Variants in NALF1 observed in about 807,000 individuals in gnomAD.
The protein encoded by NALF1 is family with sequence similarity 155 member A.
NALF1 carries 3 observed loss-of-function variants against 48.4 expected under a neutral mutation model. The ratio of observed to expected loss-of-function variants is 0.06; its 90% CI spans 0.03 to 0.16. The LOEUF (loss-of-function observed/expected upper bound fraction) is 0.16. Among genes scored for constraint, NALF1 ranks in the 10% least tolerant of loss-of-function variants. NALF1 has a pLI of 1.00. For synonymous variants in NALF1, 262 were observed against 245.7 expected (o/e 1.07, Z -0.62); for missense variants, 526 against 571.5 (o/e 0.92, Z 0.81).
chr13:107,697,386 G>C (rs189056207), intron 1 of NALF1, among the ~76,000 whole-genome samples: 9 of 152,146 alleles, frequency 5.9e-5, no homozygotes, highest in Admixed American at 2.0e-4. Context: ...TCAATTCCAA[G>C]GGTTAGAATT....
At chr13:107,303,838 A>G (rs1432336711) in intron 1 of NALF1, among the ~76,000 whole-genome samples, 2 of 152,200 alleles carry the variant, frequency 1.3e-5, no homozygotes, top group African/African-American at 4.8e-5. Context: ...TCTAGGAGAT[A>G]TTCAACTAGT....
At chr13:107,530,926 A>T (rs1055265792) in intron 1 of NALF1, among the ~76,000 whole-genome samples, 1 of 151,968 alleles carries the variant, frequency 6.6e-6, no homozygotes, top group African/African-American at 2.4e-5. Flanking sequence ...TTTTATTGTG[A>T]TTTTTAGTGG....
chr13:107,424,372 A>C (rs1382635062), intron 1 of NALF1, among the ~76,000 whole-genome samples: 1 of 152,072 alleles, frequency 6.6e-6, no homozygotes, highest in East Asian at 1.9e-4. Context: ...TCCTGAGAAC[A>C]AGCAATCCGC....
chr13:107,865,906 G>C lies in NALF1; in HGVS notation c.691C>G (p.Leu231Val). Residue 231 changes from leucine to valine, a missense_variant, in exon 1 of 3, where the codon CTT becomes GTT. Leu to Val is a conservative substitution (Grantham distance 32, BLOSUM62 1). Around this residue, in one of 2 missense-constraint regions of NALF1, gnomAD observed 373 missense variants for 355.5 expected, o/e 1.05. Transcript: ENST00000375915. The stretch of plus-strand genomic sequence containing the variant: ...GACAACCCCGAGAACAACTCCCAAA[G>C]TGTGTAGGAATTACAAAACGAAAGG... ...FYLSFCNSYT[L>V]WELFSGLSSP... 6.2e-7 allele frequency: 1 copy of C among 1,614,082 alleles called. No homozygotes were observed. Among genetic ancestry groups the C allele is most frequent in the Non-Finnish European group, 8.5e-7 (1 of 1,180,018 alleles).
intron 1 of NALF1, among the ~76,000 whole-genome samples, chr13:107,828,528 G>C (rs1186979539): frequency 1.5e-4 from 21 of 142,056 alleles, no homozygotes; most frequent in Admixed American, 8.0e-4. Context: ...GAAGAACACT[G>C]TGAGGAAATT....
At chr13:107,235,531 C>A (rs147933427) in intron 1 of NALF1, among the ~76,000 whole-genome samples, 1 of 152,164 alleles carries the variant, frequency 6.6e-6, no homozygotes, top group African/African-American at 2.4e-5. Flanking sequence ...TACTTTAAAT[C>A]ACCTCTGAAT....
intron 1 of NALF1, among the ~76,000 whole-genome samples, chr13:107,448,814 A>G (rs1245786638): frequency 6.6e-6 from 1 of 152,200 alleles, no homozygotes; most frequent in African/African-American, 2.4e-5. Context: ...GAATATTATC[A>G]TATCCTTCCC....
chr13:107,866,649 G>T lies in NALF1; in HGVS notation c.-53C>A. 2 of 1,473,538 alleles carry T rather than the reference G, an allele frequency of 1.4e-6. No individual in the cohort carries two copies. The highest frequency in any genetic ancestry group is 2.5e-5 in the South Asian group (2 of 81,354). The allele number at this position is 1,473,538 out of a possible 1,614,324, so 91.3% of individuals were successfully genotyped here. A position where few individuals can be genotyped will look rare whatever the true frequency, so the allele number is the denominator to read the frequency against. Reference sequence around the variant, plus strand: ...CTCCACCGTGAGGGCGCCTGTGCCGGTGTCACCACAATATGCATTGACTTA... The same window carrying T: ...CTCCACCGTGAGGGCGCCTGTGCCGTTGTCACCACAATATGCATTGACTTA... On this transcript the variant is annotated 5_prime_UTR_variant, in exon 1 of 3. Coordinates refer to ENST00000375915, the MANE Select transcript of NALF1 (RefSeq NM_001080396.3). This position sits in a 1 kb window ranked among gnomAD's most constrained non-coding sequence, Gnocchi z 4.4.
At chr13:107,385,552 C>CAAAAAAAAAAAAAAAAAAAAAA (rs201307018) in intron 1 of NALF1, among the ~76,000 whole-genome samples, 3 of 118,298 alleles carry the variant, frequency 2.5e-5, no homozygotes, top group South Asian at 2.9e-4. Context: ...GATTCCATCT[C>CAAAAAAAAAAAAAAAAAAAAAA]AAAAAAAAAA....
chr13:107,286,586 C>CAAAAAA (rs1159508752), intron 1 of NALF1, among the ~76,000 whole-genome samples: 1 of 102,058 alleles, frequency 9.8e-6, no homozygotes, highest in Non-Finnish European at 2.0e-5. Context: ...GACCCTGTCT[C>CAAAAAA]AAAAAAAAAA....
intron 1 of NALF1, among the ~76,000 whole-genome samples, chr13:107,428,778 C>T (rs1781131560): frequency 6.6e-6 from 1 of 152,150 alleles, no homozygotes; most frequent in Non-Finnish European, 1.5e-5. Flanking sequence ...TCTATGGTGG[C>T]TTCTTGGTCT....
intron 1 of NALF1, among the ~76,000 whole-genome samples, chr13:107,525,640 T>G (rs1358538176): frequency 6.6e-6 from 1 of 152,086 alleles, no homozygotes; most frequent in African/African-American, 2.4e-5. Context: ...TGAGTGGGAT[T>G]TTTTTAGTCA....
At chr13:107,436,312 AT>A (rs928269645) in intron 1 of NALF1, among the ~76,000 whole-genome samples, 6 of 152,176 alleles carry the variant, frequency 3.9e-5, no homozygotes, top group Non-Finnish European at 8.8e-5. Flanking sequence ...TTGAATCTAG[AT>A]TTTTTTAAAG....
At chr13:107,648,957 CTTAT>C (rs1419529556) in intron 1 of NALF1, among the ~76,000 whole-genome samples, 2 of 152,108 alleles carry the variant, frequency 1.3e-5, no homozygotes, top group African/African-American at 2.4e-5. Flanking sequence ...TTTTCATCTG[CTTAT>C]TTGTCATCTT....
chr13:107,245,655 T>C (rs1430429303), intron 1 of NALF1, among the ~76,000 whole-genome samples: 1 of 152,214 alleles, frequency 6.6e-6, no homozygotes, highest in African/African-American at 2.4e-5. Flanking sequence ...AAAAATCATA[T>C]CGATTAAAAG....
intron 1 of NALF1, among the ~76,000 whole-genome samples, chr13:107,813,780 A>G (rs1196630677): frequency 1.3e-5 from 2 of 152,162 alleles, no homozygotes; most frequent in African/African-American, 4.8e-5. Context: ...CCTTCCATAT[A>G]CATGAATAAG....
chr13:107,748,374 T>C (rs940101943), intron 1 of NALF1, among the ~76,000 whole-genome samples: 8 of 152,234 alleles, frequency 5.3e-5, no homozygotes, highest in African/African-American at 1.7e-4. Context: ...TAAATTACCT[T>C]GTTTAATATA....
intron 1 of NALF1, among the ~76,000 whole-genome samples, chr13:107,771,560 C>A (rs1178008201): frequency 1.3e-5 from 2 of 150,700 alleles, no homozygotes; most frequent in African/African-American, 2.4e-5. Flanking sequence ...GCGTTCGAAC[C>A]AGAGCGACTC....
intron 1 of NALF1, among the ~76,000 whole-genome samples, chr13:107,451,877 C>CT (rs1189333595): frequency 3.9e-5 from 6 of 152,164 alleles, no homozygotes; most frequent in African/African-American, 1.4e-4. Context: ...GGATTCTCTT[C>CT]TTTCTTACTG....
Sources: gnomAD v4.1 joint callset for allele counts (sites outside exome capture counted in the v4.1 genomes callset) on GRCh38, gnomAD v4.1.1 for gene constraint, gnomAD v4.1.1 regional missense constraint, Gnocchi (gnomAD v3.1) non-coding constraint, MANE v1.5 for transcripts, NCBI Gene and HGNC (gene_info 2026-07-23, HGNC 2026-07-21) for gene names.